ADAMTS19: variants seen among roughly 807,000 people sequenced by gnomAD.
ADAMTS19 encodes ADAM metallopeptidase with thrombospondin type 1 motif 19.
ADAMTS19 carries 93 observed loss-of-function variants against 153.3 expected under a neutral mutation model. The ratio of observed to expected loss-of-function variants is 0.61; its 90% CI spans 0.51 to 0.72. The LOEUF is 0.72. Ranked by LOEUF, ADAMTS19 falls within the 30% of genes least tolerant of loss-of-function variation. The probability of loss-of-function intolerance (pLI) is 0.00; values close to 1 mark genes in which losing one functional copy is unlikely to be tolerated. For missense variants in ADAMTS19, 1,482 were observed against 1,552.1 expected, an observed-to-expected ratio of 0.95 and a Z score of 0.76; for synonymous variants, 600 against 556.6, an observed-to-expected ratio of 1.08 and a Z score of -1.10.
intron 8 of ADAMTS19, among the ~76,000 whole-genome samples, chr5:129,613,713 CA>C (rs1320336219): frequency 6.6e-6 from 1 of 151,954 alleles, no homozygotes; most frequent in African/African-American, 2.4e-5. Context: ...AATAGGGATA[CA>C]AAAAACCCTT....
In ADAMTS19 at chr5:129,460,362, G is replaced by C; in HGVS notation, c.-30G>C. The C allele has an allele frequency of 1.3e-6, 2 of 1,596,224 alleles. No homozygotes were observed. Among genetic ancestry groups the C allele is most frequent in the Non-Finnish European group, 1.7e-6 (2 of 1,167,806 alleles). ...TGGATCGCGCTGGAGGCGTGCGCCGGGCGAGAAGCCGCGGCCGCGGGAGCG... is the reference window on the plus strand; with the variant it reads ...TGGATCGCGCTGGAGGCGTGCGCCGCGCGAGAAGCCGCGGCCGCGGGAGCG... On this transcript the variant is annotated 5_prime_UTR_variant, in exon 1 of 23. Coordinates refer to ENST00000274487, the MANE Select transcript of ADAMTS19 (RefSeq NM_133638.6).
chr5:129,515,615 G>C (rs896468765), intron 3 of ADAMTS19, among the ~76,000 whole-genome samples: 1 of 152,060 alleles, frequency 6.6e-6, no homozygotes, highest in Non-Finnish European at 1.5e-5. Context: ...ATATAGAAAT[G>C]CTAATGATTT....
At position 129,679,804 on chromosome 5, in the gene ADAMTS19, G is replaced by A. The variant is rs1421712810; in HGVS notation, c.2547G>A (p.Trp849Ter). The A allele has an allele frequency of 1.2e-6, 2 of 1,613,636 alleles. No homozygotes were observed. The highest frequency in any genetic ancestry group is 1.7e-6 in the Non-Finnish European group (2 of 1,179,806). The change falls in exon 17 of 23, where the codon TGG (tryptophan) becomes TGA (stop). Residue 849 changes from tryptophan to a stop codon, truncating the protein, a stop_gained. Transcript: ENST00000274487. LOFTEE classifies it high-confidence loss of function. ...GCAAACAGTCTATTAATAGTGACTG[G>A]AAGATTGAACACTCTGGAGCCTTCA... ...DAGKQSINSDWKIEHSGAFNL... is the reference protein window; with the variant it reads ...DAGKQSINSD
chr5:129,672,715 T>C (rs897699645), intron 16 of ADAMTS19, among the ~76,000 whole-genome samples: 5 of 152,142 alleles, frequency 3.3e-5, no homozygotes, highest in African/African-American at 1.2e-4. Flanking sequence ...AACCCTCATA[T>C]GGGTTTGCAG....
chr5:129,612,537 A>C (rs1751282998), intron 8 of ADAMTS19, among the ~76,000 whole-genome samples: 2 of 152,162 alleles, frequency 1.3e-5, no homozygotes, highest in African/African-American at 2.4e-5. Flanking sequence ...TCCTGAAGGA[A>C]GCACTAAACA....
At chr5:129,659,573 C>G (rs1050618869) in intron 15 of ADAMTS19, among the ~76,000 whole-genome samples, 13 of 151,996 alleles carry the variant, frequency 8.6e-5, no homozygotes, top group Admixed American at 5.9e-4. Context: ...CAAATATACT[C>G]TTTTCTTTTT....
At chr5:129,560,361 G>A (rs548236981) in intron 7 of ADAMTS19, among the ~76,000 whole-genome samples, 1 of 152,214 alleles carries the variant, frequency 6.6e-6, no homozygotes, top group South Asian at 2.1e-4. Flanking sequence ...GTGGGAGGGT[G>A]GGGAAAGATG....
At chr5:129,578,139 TATATGC>T (rs1749284672) in intron 7 of ADAMTS19, among the ~76,000 whole-genome samples, 1 of 119,040 alleles carries the variant, frequency 8.4e-6, no homozygotes. Flanking sequence ...TACATATACC[TATATGC>T]ATGTATATGT....
In ADAMTS19 at chr5:129,461,608, G is replaced by C; in HGVS notation, c.598G>C (p.Glu200Gln). ...GRFLAPRFAVEQRPNPGPGPT... is the reference protein window; with the variant it reads ...GRFLAPRFAVQQRPNPGPGPT... ...CTTCCTGGCGCCGCGCTTCGCAGTG[G>C]AACAGCGGCCAAATCCCGGCCCCGG... is the stretch of plus-strand genomic sequence containing the variant. Residue 200 changes from glutamate (E) to glutamine (Q), a missense_variant, in exon 2 of 23, where the codon GAA (glutamate) becomes CAA (glutamine). Transcript: ENST00000274487. This position sits in a 1 kb window ranked among gnomAD's most constrained non-coding sequence, Gnocchi z 4.6. 1.3e-6 allele frequency: 2 copies of C among 1,591,150 alleles called. No homozygotes were observed. Among genetic ancestry groups the C allele is most frequent in the Non-Finnish European group, 1.7e-6 (2 of 1,175,800 alleles).
rs552755553 is a variant in ADAMTS19, at chr5:129,609,015, G to A, written c.1479-11603G>A. ...CTAGAAATACATTGCTCCTTAAAAT[G>A]TTGAAAATTAATTTTTTTGTAGTTA... On this transcript the variant is annotated intron_variant, in intron 8 of 22. Transcript: ENST00000274487. Among the ~76,000 whole-genome samples, 137 of 152,258 alleles carry A rather than the reference G, an allele frequency of 9.0e-4. 1 individual carries two copies. Among genetic ancestry groups the A allele is most frequent in the African/African-American group, 2.9e-3 (122 of 41,554 alleles).
At chr5:129,502,546 T>A (rs1301057868) in intron 2 of ADAMTS19, among the ~76,000 whole-genome samples, 1 of 152,240 alleles carries the variant, frequency 6.6e-6, no homozygotes, top group African/African-American at 2.4e-5. Flanking sequence ...AGTTTTATGA[T>A]TCTCTTTGGA....
At position 129,610,072 on chromosome 5, in the gene ADAMTS19, C is replaced by T. The variant is rs115199982; in HGVS notation, c.1479-10546C>T. 6.0e-3 allele frequency among the ~76,000 whole-genome samples: 841 copies of T among 140,916 alleles called. 11 individuals carry two copies. Among genetic ancestry groups the T allele is most frequent in the African/African-American group, 0.02 (773 of 37,912 alleles). 92.4% of individuals were successfully genotyped at this position (140,916 alleles called of 152,430 possible). On this transcript the variant is annotated intron_variant, in intron 8 of 22. Coordinates refer to ENST00000274487, the MANE Select transcript of ADAMTS19 (RefSeq NM_133638.6). ...TATAACAACTTCTGTTCTCTGAATGCTTACATTCTAGGTAGTGGTATTATA... is the reference window on the plus strand; with the variant it reads ...TATAACAACTTCTGTTCTCTGAATGTTTACATTCTAGGTAGTGGTATTATA...
intron 21 of ADAMTS19, among the ~76,000 whole-genome samples, chr5:129,726,916 C>G (rs923154064): frequency 1.3e-5 from 2 of 151,930 alleles, no homozygotes; most frequent in African/African-American, 4.8e-5. Context: ...TGCTCTTACC[C>G]TCTCCCCCAT....
intron 14 of ADAMTS19, among the ~76,000 whole-genome samples, chr5:129,655,783 C>CT (rs1195693003): frequency 1.3e-5 from 2 of 152,180 alleles, no homozygotes. Context: ...TTTCTCAGCT[C>CT]TGAGATTCCA....
intron 21 of ADAMTS19, among the ~76,000 whole-genome samples, chr5:129,709,744 AT>A (rs933492739): frequency 6.6e-6 from 1 of 152,168 alleles, no homozygotes; most frequent in Non-Finnish European, 1.5e-5. Context: ...ACAATACAAG[AT>A]TTATTACCTT....
intron 8 of ADAMTS19, among the ~76,000 whole-genome samples, chr5:129,618,895 T>C (rs926517752): frequency 2.1e-4 from 32 of 152,094 alleles, no homozygotes; most frequent in Non-Finnish European, 5.9e-5. Flanking sequence ...AGAGACTATA[T>C]AATTTTTTTT....
In ADAMTS19 at chr5:129,461,122, C is replaced by G. The variant is rs192852831; in HGVS notation, c.112C>G (p.Arg38Gly). Reference protein sequence around the residue: ...IVSELQFAPDREEWEVVFPAL... With the variant: ...IVSELQFAPDGEEWEVVFPAL... ...CGCAGAGCTGCAGTTCGCCCCCGAC[C>G]GCGAGGAGTGGGAAGTCGTGTTTCC... The change falls in exon 2 of 23, where the codon CGC becomes GGC. Residue 38 changes from arginine to glycine, a missense_variant. Around this residue, in one of 2 missense-constraint regions of ADAMTS19, gnomAD observed 866 missense variants for 827.7 expected, o/e 1.05. Transcript: ENST00000274487. The surrounding 1 kb of genome is among the most constrained non-coding windows in gnomAD (Gnocchi z 4.6). 2.8e-3 allele frequency: 3,988 copies of G among 1,420,116 alleles called. 5 individuals are homozygous for G. Among genetic ancestry groups the G allele is most frequent in the Non-Finnish European group, 3.5e-3 (3,793 of 1,085,202 alleles). The allele number at this position is 1,420,116 out of a possible 1,614,324, so 88.0% of individuals were successfully genotyped here.
At chr5:129,679,743 T>C (rs757796267) in intron 16 of ADAMTS19, 21 bp from the exon 17 acceptor site, 1 of 1,566,580 alleles carries the variant, frequency 6.4e-7, no homozygotes, top group South Asian at 1.2e-5. Flanking sequence ...ATACTCATTA[T>C]ATTTTTGAAC....
chr5:129,684,284 T>C lies in ADAMTS19; in HGVS notation c.2818+11T>C. 11 of 1,613,230 alleles carry C rather than the reference T, an allele frequency of 6.8e-6. No homozygotes were observed. Among genetic ancestry groups the C allele is most frequent in the Non-Finnish European group, 9.3e-6 (11 of 1,179,654 alleles). On this transcript the variant is annotated intron_variant, in intron 18 of 22. Transcript: ENST00000274487. ...CCACTTGTGGAGGAGGTGAAGGATT[T>C]TTAAACATTTATCTTTCCAAAACAT...
Sources: gnomAD v4.1 joint callset for allele counts (sites outside exome capture counted in the v4.1 genomes callset) on GRCh38, gnomAD v4.1.1 for gene constraint, gnomAD v4.1.1 regional missense constraint, Gnocchi (gnomAD v3.1) non-coding constraint, MANE v1.5 for transcripts, NCBI Gene and HGNC (gene_info 2026-07-23, HGNC 2026-07-21) for gene names.